Variants in NEGR1 observed in about 807,000 individuals in gnomAD.
The protein encoded by NEGR1 is IgLON family member 4.
Under a neutral mutation model 40.9 loss-of-function variants are expected in NEGR1, and 10 were observed. The ratio of observed to expected loss-of-function variants is 0.24; its 90% CI spans 0.15 to 0.42. NEGR1 has a LOEUF of 0.42. Among genes scored for constraint, NEGR1 ranks in the 10% least tolerant of loss-of-function variants. The pLI is 1.00. For missense variants in NEGR1, 352 were observed against 438.9 expected, an observed-to-expected ratio of 0.80 and a Z score of 1.77; for synonymous variants, 185 against 166.8, an observed-to-expected ratio of 1.11 and a Z score of -0.84.
At chr1:72,248,578 A>AT (rs201525559) in intron 1 of NEGR1, among the ~76,000 whole-genome samples, 12,140 of 129,618 alleles carry the variant, frequency 0.094, 677 homozygotes, top group Non-Finnish European at 0.13. Context: ...ATTTTTATTT[A>AT]TTATTATTAT....
intron 6 of NEGR1, among the ~76,000 whole-genome samples, chr1:71,471,783 C>T (rs4557916): frequency 6.6e-6 from 1 of 152,142 alleles, no homozygotes; most frequent in African/African-American, 2.4e-5. Context: ...AGAAAAGCCA[C>T]AGACTCAGCA....
chr1:71,533,785 A>G (rs1331380225), intron 6 of NEGR1, among the ~76,000 whole-genome samples: 2 of 151,656 alleles, frequency 1.3e-5, no homozygotes, highest in African/African-American at 4.8e-5. Context: ...TAATAAAAGT[A>G]CCAGTGATAC....
chr1:71,428,155 A>G (rs1389992980), intron 6 of NEGR1, among the ~76,000 whole-genome samples: 1 of 152,192 alleles, frequency 6.6e-6, no homozygotes, highest in Non-Finnish European at 1.5e-5. Context: ...GCCCCAGTTT[A>G]TGTGTTTATA....
chr1:71,549,444 A>G (rs1444824317), intron 6 of NEGR1, among the ~76,000 whole-genome samples: 1 of 151,738 alleles, frequency 6.6e-6, no homozygotes, highest in Admixed American at 6.6e-5. Flanking sequence ...TCAAAATTTC[A>G]TTGGTCAGAA....
chr1:72,224,342 T>C (rs2100487958), intron 1 of NEGR1, among the ~76,000 whole-genome samples: 1 of 151,900 alleles, frequency 6.6e-6, no homozygotes, highest in East Asian at 1.9e-4. Flanking sequence ...CATGACCATA[T>C]TATTTGAGAT....
intron 3 of NEGR1, among the ~76,000 whole-genome samples, chr1:71,706,943 G>C (rs760623814): frequency 4.6e-5 from 7 of 151,992 alleles, no homozygotes; most frequent in Non-Finnish European, 1.0e-4. Flanking sequence ...TGGGACACTG[G>C]GGGAGGGAGA....
chr1:71,768,874 G>A lies in NEGR1; in HGVS notation c.535+7298C>T, dbSNP rs558684406. Among the ~76,000 whole-genome samples the A allele has an allele frequency of 3.3e-5, 5 of 152,142 alleles. No individual in the cohort carries two copies. In the South Asian group the frequency reaches 1.0e-3, roughly 32 times the overall value. ...TCCTGCTCTTATGATAGAGTTCTCA[G>A]GAGATCTGGTTGTTTAAAAGAGTGT... is the stretch of plus-strand genomic sequence containing the variant. On this transcript the variant is annotated intron_variant, in intron 3 of 6. Transcript: ENST00000357731.
At chr1:72,152,087 A>G (rs1651147827) in intron 1 of NEGR1, among the ~76,000 whole-genome samples, 1 of 151,878 alleles carries the variant, frequency 6.6e-6, no homozygotes, top group African/African-American at 2.4e-5. Context: ...ACGCAAGCTT[A>G]TATGAAGCAA....
At chr1:71,925,319 G>A (rs1457959839) in intron 2 of NEGR1, among the ~76,000 whole-genome samples, 4 of 152,142 alleles carry the variant, frequency 2.6e-5, no homozygotes, top group African/African-American at 2.4e-5. Context: ...CTGCAAATGC[G>A]GGCTAGAAAA....
At chr1:71,684,190 A>G (rs1485532754) in intron 4 of NEGR1, among the ~76,000 whole-genome samples, 1 of 152,090 alleles carries the variant, frequency 6.6e-6, no homozygotes, top group Non-Finnish European at 1.5e-5. Flanking sequence ...GAATGACGTG[A>G]ACCCGGGAGG....
chr1:71,756,843 AAAT>A (rs1162935951), intron 3 of NEGR1, among the ~76,000 whole-genome samples: 1 of 149,338 alleles, frequency 6.7e-6, no homozygotes, highest in African/African-American at 2.5e-5. Flanking sequence ...TGCAAAATGA[AAAT>A]AAAAAAAAAA....
Position 71,665,084 on chromosome 1 carries a change from G to T in NEGR1, c.667+32924C>A, listed in dbSNP as rs535638158. On this transcript the variant is annotated intron_variant, in intron 4 of 6. Transcript: ENST00000357731. ...TATCAAATATTTACCAAAGCTATTT[G>T]CAAAGTTAAATCATTCATGAAAATA... 7.6e-4 allele frequency among the ~76,000 whole-genome samples: 115 copies of T among 152,192 alleles called. 1 individual carries two copies. The highest frequency in any genetic ancestry group is 2.6e-3 in the African/African-American group (110 of 41,544).
Position 71,898,570 on chromosome 1 carries a change from G to C in NEGR1, c.409+36509C>G, listed in dbSNP as rs1007006431. Among the ~76,000 whole-genome samples, 364 of 152,170 alleles carry C rather than the reference G, an allele frequency of 2.4e-3. 2 individuals carry two copies. Among genetic ancestry groups the C allele is most frequent in the African/African-American group, 8.4e-3 (351 of 41,542 alleles). On this transcript the variant is annotated intron_variant, in intron 2 of 6. Coordinates refer to ENST00000357731, the MANE Select transcript of NEGR1 (RefSeq NM_173808.3). ...CCAGAGCTTGCAGTGAGCCGAGATC[G>C]TGCCACTGCACTCCAGCCTGGGCGA...
At chr1:71,795,184 C>T (rs771673434) in intron 2 of NEGR1, among the ~76,000 whole-genome samples, 2 of 151,860 alleles carry the variant, frequency 1.3e-5, no homozygotes, top group Non-Finnish European at 1.5e-5. Context: ...ACATATATCA[C>T]TACAATTTCA....
chr1:71,871,820 T>A (rs890870490), intron 2 of NEGR1, among the ~76,000 whole-genome samples: 1 of 152,200 alleles, frequency 6.6e-6, no homozygotes, highest in East Asian at 1.9e-4. Context: ...CTTTTTTCTA[T>A]CAGAGCTCAT....
At chr1:71,926,591 G>GA (rs1387436424) in intron 2 of NEGR1, among the ~76,000 whole-genome samples, 229 of 139,530 alleles carry the variant, frequency 1.6e-3, no homozygotes, top group African/African-American at 3.2e-3. Flanking sequence ...CCTTCTATAG[G>GA]AAAAAAAAAA....
chr1:72,205,310 A>T (rs1653352768), intron 1 of NEGR1, among the ~76,000 whole-genome samples: 1 of 151,894 alleles, frequency 6.6e-6, no homozygotes, highest in Admixed American at 6.6e-5. Context: ...TGAAGCTTAA[A>T]GTATGGAAAA....
intron 1 of NEGR1, among the ~76,000 whole-genome samples, chr1:72,042,724 T>TA: frequency 6.6e-6 from 1 of 152,098 alleles, no homozygotes; most frequent in Middle Eastern, 3.4e-3. Context: ...TAGGGGAATG[T>TA]AATTTGGAAT....
At chr1:72,153,106 C>A (rs1479265634) in intron 1 of NEGR1, among the ~76,000 whole-genome samples, 1 of 151,626 alleles carries the variant, frequency 6.6e-6, no homozygotes, top group African/African-American at 2.4e-5. Context: ...TGCACATGTA[C>A]CCTCTGTATC....
Sources: gnomAD v4.1 joint callset for allele counts (sites outside exome capture counted in the v4.1 genomes callset) on GRCh38, gnomAD v4.1.1 for gene constraint, MANE v1.5 for transcripts, NCBI Gene and HGNC (gene_info 2026-07-23, HGNC 2026-07-21) for gene names.